The following RBFOX1 variants were observed in gnomAD, a reference collection of about 807,000 sequenced individuals.
RBFOX1 encodes RNA binding fox-1 homolog 1.
In RBFOX1, 8 loss-of-function variants were observed where a neutral mutation model predicts 57.7. That is an observed-to-expected ratio of 0.14 (90% CI 0.08 to 0.25). RBFOX1 has a LOEUF of 0.25. RBFOX1 is among the 10% of genes least tolerant of loss of function. The pLI is 1.00. For missense variants in RBFOX1, 611 were observed against 548.5 expected, an observed-to-expected ratio of 1.11 and a Z score of -1.14; for synonymous variants, 326 against 222.4, an observed-to-expected ratio of 1.47 and a Z score of -4.15.
chr16:6,297,001 T>C (rs2078192949), intron 1 of RBFOX1, among the ~76,000 whole-genome samples: 1 of 152,196 alleles, frequency 6.6e-6, no homozygotes, highest in South Asian at 2.1e-4. Context: ...GGTTACTTCT[T>C]GATGATATGT....
At chr16:6,605,789 C>A (rs914340750) in intron 2 of RBFOX1, among the ~76,000 whole-genome samples, 7 of 152,106 alleles carry the variant, frequency 4.6e-5, no homozygotes, top group Admixed American at 4.6e-4. Flanking sequence ...AAACAACACA[C>A]GGGAAACTAT....
rs144033966 is a variant in RBFOX1, at chr16:5,950,018, G to C, written c.351+82683G>C. On this transcript the variant is annotated intron_variant, in intron 4 of 19. Coordinates refer to the RBFOX1 transcript ENST00000641259. ...GGCCATCATTCAGCACATCACACCA[G>C]TGGGCAGTGAGTGATACATTTAATT... Among the ~76,000 whole-genome samples the C allele has an allele frequency of 1.8e-4, 28 of 152,370 alleles. 1 individual carries two copies. In the East Asian group the frequency reaches 4.8e-3, roughly 26 times the overall value.
chr16:7,592,649 G>A (rs1254265105), intron 7 of RBFOX1, among the ~76,000 whole-genome samples: 4 of 152,154 alleles, frequency 2.6e-5, no homozygotes, highest in Non-Finnish European at 5.9e-5. Flanking sequence ...TATGTGGCAT[G>A]GCTATGGTTG....
chr16:7,548,597 C>T (rs952644785), intron 5 of RBFOX1, among the ~76,000 whole-genome samples: 5 of 152,328 alleles, frequency 3.3e-5, no homozygotes, highest in East Asian at 1.9e-4. Flanking sequence ...CACACACATG[C>T]GGTTGCACGG....
chr16:5,695,717 T>G (rs1473051698), intron 3 of RBFOX1, among the ~76,000 whole-genome samples: 2 of 152,182 alleles, frequency 1.3e-5, no homozygotes, highest in Non-Finnish European at 2.9e-5. Flanking sequence ...TTAGGATGAC[T>G]AAATCTAAGG....
At chr16:5,793,746 T>C (rs950912190) in intron 3 of RBFOX1, among the ~76,000 whole-genome samples, 1 of 152,010 alleles carries the variant, frequency 6.6e-6, no homozygotes, top group Non-Finnish European at 1.5e-5. Context: ...TGTGCCTTCG[T>C]GTGTGTGTGT....
At chr16:6,636,940 T>C (rs1199423510) in intron 2 of RBFOX1, among the ~76,000 whole-genome samples, 1 of 121,958 alleles carries the variant, frequency 8.2e-6, no homozygotes, top group African/African-American at 3.7e-5. Flanking sequence ...TAAATATACA[T>C]AAAATATACA....
rs569290061 is a variant in RBFOX1 at position 6,377,129 on chromosome 16, G to T, written c.-64+60072G>T. ...CCCTACAAAAAAAAATTAAAAATTA[G>T]CTGAGCACGGTGGCCTGTGCCTGTA... On this transcript the variant is annotated intron_variant, in intron 2 of 15. Coordinates refer to ENST00000550418, the MANE Select transcript of RBFOX1 (RefSeq NM_018723.4). Among the ~76,000 whole-genome samples, 24 of 151,884 alleles carry T rather than the reference G, an allele frequency of 1.6e-4. 2 individuals carry two copies. Among genetic ancestry groups the T allele is most frequent in the East Asian group, 1.4e-3 (7 of 5,152 alleles).
At chr16:6,078,471 C>A (rs1184037023) in intron 1 of RBFOX1, among the ~76,000 whole-genome samples, 4 of 151,956 alleles carry the variant, frequency 2.6e-5, no homozygotes, top group African/African-American at 9.7e-5. Flanking sequence ...TGACCTGAGA[C>A]ACTTCTTCTT....
intron 2 of RBFOX1, among the ~76,000 whole-genome samples, chr16:5,573,764 C>G (rs182675799): frequency 6.6e-6 from 1 of 152,172 alleles, no homozygotes; most frequent in East Asian, 1.9e-4. Context: ...GAGTTCAAGA[C>G]CAGCCTGGGC....
At chr16:6,578,270 T>A (rs984489739) in intron 2 of RBFOX1, among the ~76,000 whole-genome samples, 6 of 152,118 alleles carry the variant, frequency 3.9e-5, no homozygotes, top group Non-Finnish European at 1.5e-5. Context: ...TTCAGGGGCA[T>A]AAGAATCTTG....
At chr16:7,366,049 C>T (rs1331959625) in intron 4 of RBFOX1, among the ~76,000 whole-genome samples, 1 of 152,136 alleles carries the variant, frequency 6.6e-6, no homozygotes, top group African/African-American at 2.4e-5. Flanking sequence ...TTTGATTGGC[C>T]TGGCGGAGGT....
chr16:7,181,504 T>TTCTTCCCTCCCTCCC (rs531421319), intron 4 of RBFOX1, among the ~76,000 whole-genome samples: 2,016 of 151,896 alleles, frequency 0.013, 19 homozygotes, highest in Middle Eastern at 0.027. Context: ...CCTTCCTTCC[T>TTCTTCCCTCCCTCCC]TCTTCCCTCC....
chr16:5,732,835 A>G (rs896230978), intron 3 of RBFOX1, among the ~76,000 whole-genome samples: 1 of 152,146 alleles, frequency 6.6e-6, no homozygotes, highest in African/African-American at 2.4e-5. Flanking sequence ...AAAAGTCTTC[A>G]ACCGTGTCTT....
rs984947809 is a variant in RBFOX1 at position 6,664,139 on chromosome 16, G to A, written c.-16+9489G>A. 2.0e-5 allele frequency among the ~76,000 whole-genome samples: 3 copies of A among 152,146 alleles called. No homozygotes were observed. The East Asian group carries it at 5.8e-4, about 29-fold the overall frequency. On this transcript the variant is annotated intron_variant, in intron 3 of 15. Transcript: ENST00000550418. ...TTTATGTATGACCTTTCAGACTTCTGTCAGTTCCCTTCTGGTCCAGCCATC... is the reference window on the plus strand; with the variant it reads ...TTTATGTATGACCTTTCAGACTTCTATCAGTTCCCTTCTGGTCCAGCCATC...
intron 4 of RBFOX1, among the ~76,000 whole-genome samples, chr16:7,407,939 T>G (rs536297335): frequency 6.6e-6 from 1 of 152,334 alleles, no homozygotes; most frequent in East Asian, 1.9e-4. Context: ...TGGCTGCTTT[T>G]GGGCCGCAAT....
chr16:5,642,951 T>C (rs1485376756), intron 3 of RBFOX1, among the ~76,000 whole-genome samples: 1 of 152,236 alleles, frequency 6.6e-6, no homozygotes, highest in East Asian at 1.9e-4. Context: ...GTATTCCTTT[T>C]GAGTTCCTCC....
intron 3 of RBFOX1, among the ~76,000 whole-genome samples, chr16:6,960,542 C>T (rs182674170): frequency 4.6e-5 from 7 of 152,168 alleles, no homozygotes; most frequent in Admixed American, 3.9e-4. Flanking sequence ...TCAGGAGTCA[C>T]CTCTTTCTTG....
At chr16:6,648,742 G>C (rs1003586921) in intron 2 of RBFOX1, among the ~76,000 whole-genome samples, 1 of 152,146 alleles carries the variant, frequency 6.6e-6, no homozygotes, top group Non-Finnish European at 1.5e-5. Context: ...GGCAGAAGCA[G>C]ACAGAGAGCT....
Sources: allele counts gnomAD v4.1 joint callset (sites outside exome capture counted in the v4.1 genomes callset), GRCh38; gene constraint gnomAD v4.1.1; transcripts MANE v1.5; gene names NCBI Gene and HGNC (gene_info 2026-07-23, HGNC 2026-07-21).